Variants in MUSK observed in about 807,000 individuals in gnomAD.
The protein encoded by MUSK is muscle associated receptor tyrosine kinase.
MUSK carries 55 observed loss-of-function variants against 88.7 expected under a neutral mutation model. The observed-to-expected ratio is 0.62, with a 90% CI of 0.50 to 0.78. MUSK has a LOEUF of 0.78. Among genes scored for constraint, MUSK ranks in the 30% least tolerant of loss-of-function variants. The pLI, the probability that MUSK is intolerant of heterozygous loss-of-function variation, is 0.00. For synonymous variants in MUSK, 387 were observed against 391.9 expected (o/e 0.99, Z 0.15); for missense variants, 1,015 against 1,074.3 (o/e 0.94, Z 0.77).
chr9:110,743,199 C>G (rs796705486), intron 6 of MUSK, among the ~76,000 whole-genome samples: 3 of 152,270 alleles, frequency 2.0e-5, no homozygotes, highest in African/African-American at 7.2e-5. Flanking sequence ...CTGCTGTGAA[C>G]CTGCCAGTGA....
chr9:110,689,676 TATATAACTATATATAGTTATATATA>T (rs1304391953), intron 3 of MUSK, among the ~76,000 whole-genome samples: 1,788 of 79,506 alleles, frequency 0.022, 179 homozygotes, highest in African/African-American at 0.097. Flanking sequence ...TAGTATATTA[TATATAACTATATATAGTTATATATA>T]AATATATAAC....
intron 3 of MUSK, among the ~76,000 whole-genome samples, chr9:110,694,633 G>C (rs1357872254): frequency 6.6e-6 from 1 of 152,094 alleles, no homozygotes; most frequent in African/African-American, 2.4e-5. Context: ...CTCTGTATCT[G>C]TAACGTAAAA....
chr9:110,709,140 T>A (rs1444876043), intron 5 of MUSK, among the ~76,000 whole-genome samples: 1 of 152,228 alleles, frequency 6.6e-6, no homozygotes, highest in African/African-American at 2.4e-5. Context: ...CTATTTTGAT[T>A]CATGCAAAGA....
intron 3 of MUSK, among the ~76,000 whole-genome samples, chr9:110,689,800 T>TA (rs1462152148): frequency 7.1e-5 from 4 of 56,230 alleles, no homozygotes; most frequent in Non-Finnish European, 1.1e-4. Context: ...TTTTAATATA[T>TA]AATATATAAC....
chr9:110,747,548 A>C (rs2077188449), intron 6 of MUSK, 93 bp from the exon 7 acceptor site: 2 of 1,334,156 alleles, frequency 1.5e-6, no homozygotes, highest in Non-Finnish European at 2.1e-6. Flanking sequence ...CATGCACTTG[A>C]TTATAATCTT....
intron 11 of MUSK, among the ~76,000 whole-genome samples, chr9:110,777,298 A>G (rs1469318611): frequency 1.3e-5 from 2 of 152,104 alleles, no homozygotes; most frequent in African/African-American, 2.4e-5. Flanking sequence ...CATGTCAACT[A>G]ACTTCCTCTG....
chr9:110,780,193 T>A (rs1450035260), intron 11 of MUSK, among the ~76,000 whole-genome samples: 1 of 152,212 alleles, frequency 6.6e-6, no homozygotes, highest in East Asian at 1.9e-4. Flanking sequence ...TTTTGCTTCT[T>A]CTTTTTCTTT....
chr9:110,764,359 C>T (rs1261934522), intron 8 of MUSK, among the ~76,000 whole-genome samples: 1 of 152,118 alleles, frequency 6.6e-6, no homozygotes, highest in African/African-American at 2.4e-5. Context: ...TATCTCATTC[C>T]CCAGTTCTTG....
intron 1 of MUSK, among the ~76,000 whole-genome samples, chr9:110,675,283 G>A (rs1305192108): frequency 1.4e-5 from 2 of 139,456 alleles, no homozygotes; most frequent in South Asian, 2.3e-4. Flanking sequence ...GTGCAGTGTC[G>A]CGATCTCAGC....
rs200098401 is a variant in MUSK, at chr9:110,698,223, A to T, written c.628+757A>T. On this transcript the variant is annotated intron_variant, in intron 5 of 14. Coordinates refer to ENST00000374448, the MANE Select transcript of MUSK (RefSeq NM_005592.4). ...CTTCCTGTTGTATGCCAGAGAATTAACATTTTTGGCTCCTAGCTTTCTCAC... is the reference window on the plus strand; with the variant it reads ...CTTCCTGTTGTATGCCAGAGAATTATCATTTTTGGCTCCTAGCTTTCTCAC... Among the ~76,000 whole-genome samples the T allele has an allele frequency of 2.6e-5, 4 of 152,278 alleles. No individual in the cohort carries two copies. In the East Asian group the frequency reaches 7.7e-4, roughly 29 times the overall value.
intron 5 of MUSK, among the ~76,000 whole-genome samples, chr9:110,731,420 ACAT>A (rs2076961327): frequency 6.6e-6 from 1 of 152,112 alleles, no homozygotes; most frequent in Non-Finnish European, 1.5e-5. Context: ...AACCCAGAAG[ACAT>A]CTGCTATCTC....
chr9:110,735,694 G>A (rs1175557948), intron 6 of MUSK, among the ~76,000 whole-genome samples: 6 of 152,106 alleles, frequency 3.9e-5, no homozygotes, highest in Non-Finnish European at 7.4e-5. Flanking sequence ...AATTTATAAA[G>A]AAAAGAGGTT....
chr9:110,744,579 GA>G lies in MUSK; in HGVS notation c.754-3054del, dbSNP rs142645701. Among the ~76,000 whole-genome samples, 1,076 of 151,712 alleles carry G rather than the reference GA, an allele frequency of 7.1e-3. 51 individuals carry two copies. The highest frequency in any genetic ancestry group is 0.052 in the Admixed American group (798 of 15,272). On this transcript the variant is annotated intron_variant, in intron 6 of 14. Coordinates refer to ENST00000374448, the MANE Select transcript of MUSK (RefSeq NM_005592.4). ...CTTCCTATCCTACTGCCTCTTTTTA[GA>G]AAAAAAAGTTTTATTGTGATCTTTA...
chr9:110,705,122 G>GA (rs947104561), intron 5 of MUSK, among the ~76,000 whole-genome samples: 1 of 151,416 alleles, frequency 6.6e-6, no homozygotes, highest in Non-Finnish European at 1.5e-5. Context: ...TTATGCTTTG[G>GA]AAAAAAAACA....
chr9:110,785,051 A>T, intron 12 of MUSK, 35 bp downstream of exon 12: 1 of 1,577,784 alleles, frequency 6.3e-7, no homozygotes. Flanking sequence ...ATGTGTAGTA[A>T]TATTTTAAAG....
Position 110,681,022 on chromosome 9 carries a change from T to TTATATATTATATAA in MUSK, c.80-1639_80-1638insATATATATTATATA, listed in dbSNP as rs1564209296. ...TATATTATATTATATATAATATATA[T>TTATATATTATATAA]TATATATTATATATTATATAATATA... On this transcript the variant is annotated intron_variant, in intron 1 of 14. Coordinates refer to ENST00000374448, the MANE Select transcript of MUSK (RefSeq NM_005592.4). 3.9e-4 allele frequency among the ~76,000 whole-genome samples: 8 copies of TTATATATTATATAA among 20,634 alleles called. 1 individual carries two copies. Among genetic ancestry groups the TTATATATTATATAA allele is most frequent in the Admixed American group, 9.8e-4 (2 of 2,034 alleles). 13.5% of individuals were successfully genotyped at this position (20,634 alleles called of 152,430 possible).
At chr9:110,690,315 T>C (rs1378006505) in intron 3 of MUSK, among the ~76,000 whole-genome samples, 6 of 101,454 alleles carry the variant, frequency 5.9e-5, no homozygotes, top group Non-Finnish European at 8.6e-5. Context: ...AGTATAAATA[T>C]AGAAATATAT....
chr9:110,737,762 GAA>G (rs1351409993), intron 6 of MUSK, among the ~76,000 whole-genome samples: 1 of 152,066 alleles, frequency 6.6e-6, no homozygotes, highest in African/African-American at 2.4e-5. Flanking sequence ...AGACTCCATT[GAA>G]ATGAATTTCT....
intron 5 of MUSK, among the ~76,000 whole-genome samples, chr9:110,701,739 ATTTT>A (rs2076516951): frequency 6.8e-3 from 1 of 146 alleles, no homozygotes; most frequent in Non-Finnish European, 0.01. Context: ...ATTTTATTTT[ATTTT>A]ATTTTATTTT....
Sources: allele counts gnomAD v4.1 joint callset (sites outside exome capture counted in the v4.1 genomes callset), GRCh38; gene constraint gnomAD v4.1.1; transcripts MANE v1.5; gene names NCBI Gene and HGNC (gene_info 2026-07-23, HGNC 2026-07-21).